Variants in OR4N2 observed in about 807,000 individuals in gnomAD.
OR4N2 encodes olfactory receptor family 4 subfamily N member 2.
For missense variants in OR4N2, 307 were observed against 377.6 expected (o/e 0.81, Z 1.55); for synonymous variants, 141 against 140.4 (o/e 1.00, Z -0.03).
intron 1 of OR4N2, among the ~76,000 whole-genome samples, chr14:19,810,972 T>C (rs1416057316): frequency 1.3e-5 from 2 of 152,202 alleles, no homozygotes. Flanking sequence ...AGGAATATAT[T>C]TTAAAAGGAA....
intron 1 of OR4N2, among the ~76,000 whole-genome samples, chr14:19,820,247 ATTGATTTT>A (rs1226571773): frequency 1.3e-5 from 2 of 152,232 alleles, no homozygotes; most frequent in Admixed American, 1.3e-4. Context: ...TCCTGGATTC[ATTGATTTT>A]TTGAAGAGTT....
intron 1 of OR4N2, among the ~76,000 whole-genome samples, chr14:19,817,503 T>C (rs1423825191): frequency 2.0e-5 from 3 of 152,280 alleles, no homozygotes; most frequent in Non-Finnish European, 2.9e-5. Context: ...TATTCTCTGA[T>C]GGTAATTTGT....
chr14:19,817,053 G>C (rs1386545722), intron 1 of OR4N2, among the ~76,000 whole-genome samples: 1 of 152,230 alleles, frequency 6.6e-6, no homozygotes, highest in Non-Finnish European at 1.5e-5. Context: ...AGTTGATCAT[G>C]GTGGATAAGC....
At chr14:19,826,860 G>C (rs1244963529) in intron 1 of OR4N2, among the ~76,000 whole-genome samples, 1 of 152,232 alleles carries the variant, frequency 6.6e-6, no homozygotes, top group South Asian at 2.1e-4. Context: ...AACAGTCTGG[G>C]AAAAGAGTAT....
In OR4N2 at chr14:19,829,352, GGATTTTGTGTCAGA is replaced by G. The variant is rs1361357174; in HGVS notation, c.*983_*996del. 3.9e-5 allele frequency: 6 copies of G among 152,300 alleles called. No homozygotes were observed. The highest frequency in any genetic ancestry group is 7.3e-5 in the Non-Finnish European group (5 of 68,030). 9.4% of individuals were successfully genotyped at this position (152,300 alleles called of 1,614,324 possible). A position where few individuals can be genotyped will look rare whatever the true frequency, so the allele number is the denominator to read the frequency against. On this transcript the variant is annotated 3_prime_UTR_variant, in exon 2 of 2. Transcript: ENST00000557677. ...CAACAGTCTTTTGGTAGAGCAATCA[GGATTTTGTGTCAGA>G]GACAAGAAACCATTCTAGCTATTTT...
At position 19,828,551 on chromosome 14, in the gene OR4N2, C is replaced by G. The variant is rs1879788540; in HGVS notation, c.*179C>G. The G allele has an allele frequency of 1.4e-5, 9 of 639,554 alleles. 1 individual carries two copies. In the South Asian group the frequency reaches 1.9e-4, roughly 13 times the overall value. 39.6% of individuals were successfully genotyped at this position (639,554 alleles called of 1,614,324 possible). ...CCATCTGCTCTCCAAGAGATACAAC[C>G]TAGTAAAAATAGACCACCATTAAGG... On this transcript the variant is annotated 3_prime_UTR_variant, in exon 2 of 2. Transcript: ENST00000557677.
chr14:19,810,264 T>G (rs568135548), intron 1 of OR4N2, among the ~76,000 whole-genome samples: 39 of 152,316 alleles, frequency 2.6e-4, no homozygotes, highest in African/African-American at 9.4e-4. Flanking sequence ...AATCATTAGA[T>G]AAATGCACAT....
chr14:19,829,936 G>A lies in OR4N2; in HGVS notation c.*1564G>A, dbSNP rs1879825011. 1 of 152,234 alleles carries A rather than the reference G, an allele frequency of 6.6e-6. No individual in the cohort carries two copies. The highest frequency in any genetic ancestry group is 1.5e-5 in the Non-Finnish European group (1 of 68,064). 9.4% of individuals were successfully genotyped at this position (152,234 alleles called of 1,614,324 possible). A position where few individuals can be genotyped will look rare whatever the true frequency, so the allele number is the denominator to read the frequency against. The stretch of plus-strand genomic sequence containing the variant: ...GTTGCTTCCTGTTTTAGTGAGAAAG[G>A]TAGCAGGTGAGAATTCCTTAATCTC... On this transcript the variant is annotated 3_prime_UTR_variant, in exon 2 of 2. Transcript: ENST00000557677.
At chr14:19,821,869 CT>C (rs1566467120) in intron 1 of OR4N2, 2 of 152,232 alleles carry the variant, frequency 1.3e-5, no homozygotes. Flanking sequence ...ATTTTAAAAT[CT>C]AAGGTTCCTC....
intron 1 of OR4N2, among the ~76,000 whole-genome samples, chr14:19,812,393 A>G (rs1190553379): frequency 1.2e-4 from 17 of 142,714 alleles, no homozygotes; most frequent in Admixed American, 2.3e-4. Flanking sequence ...ACAGTGGCGC[A>G]ATCTCGGCTC....
intron 1 of OR4N2, among the ~76,000 whole-genome samples, chr14:19,811,745 C>T (rs1212157920): frequency 1.3e-5 from 2 of 152,250 alleles, no homozygotes; most frequent in Non-Finnish European, 2.9e-5. Flanking sequence ...GTTTTAACAT[C>T]CATTCATGTC....
chr14:19,806,066 C>A (rs186529555), intron 1 of OR4N2, among the ~76,000 whole-genome samples: 1 of 152,120 alleles, frequency 6.6e-6, no homozygotes, highest in South Asian at 2.1e-4. Context: ...TACAACAGGT[C>A]CTTAAGGGAG....
intron 1 of OR4N2, among the ~76,000 whole-genome samples, chr14:19,815,745 T>A (rs150490879): frequency 0.016 from 2,502 of 151,990 alleles, 32 homozygotes; most frequent in African/African-American, 0.057. Context: ...GCCATTGCTT[T>A]TGGTGTTTTA....
At chr14:19,818,292 C>T (rs1335530210) in intron 1 of OR4N2, among the ~76,000 whole-genome samples, 3 of 151,476 alleles carry the variant, frequency 2.0e-5, no homozygotes, top group East Asian at 1.9e-4. Context: ...GTTAAAATCT[C>T]CCACTATTAT....
intron 1 of OR4N2, among the ~76,000 whole-genome samples, chr14:19,812,954 C>A (rs1350839264): frequency 1.3e-5 from 2 of 152,186 alleles, no homozygotes; most frequent in Non-Finnish European, 2.9e-5. Context: ...ACCAGTAATA[C>A]TTTTCATTGT....
At chr14:19,814,681 A>T (rs1287339409) in intron 1 of OR4N2, among the ~76,000 whole-genome samples, 6 of 152,332 alleles carry the variant, frequency 3.9e-5, no homozygotes, top group Admixed American at 2.6e-4. Flanking sequence ...AGTCTTTTTT[A>T]AAAATTATAC....
intron 1 of OR4N2, among the ~76,000 whole-genome samples, chr14:19,808,126 T>C (rs1248312371): frequency 1.3e-5 from 2 of 152,158 alleles, no homozygotes; most frequent in African/African-American, 4.8e-5. Flanking sequence ...ACAGCCAACA[T>C]GATACTGAAT....
chr14:19,811,746 C>T (rs1270450983), intron 1 of OR4N2, among the ~76,000 whole-genome samples: 2 of 152,246 alleles, frequency 1.3e-5, no homozygotes, highest in Non-Finnish European at 2.9e-5. Context: ...TTTTAACATC[C>T]ATTCATGTCT....
chr14:19,812,857 T>A (rs1232673077), intron 1 of OR4N2, among the ~76,000 whole-genome samples: 1 of 152,232 alleles, frequency 6.6e-6, no homozygotes, highest in African/African-American at 2.4e-5. Flanking sequence ...AATGAATAAA[T>A]TCAGAGACAA....
Sources: allele counts gnomAD v4.1 joint callset (sites outside exome capture counted in the v4.1 genomes callset), GRCh38; gene constraint gnomAD v4.1.1; transcripts MANE v1.5; gene names NCBI Gene and HGNC (gene_info 2026-07-23, HGNC 2026-07-21).